Variants in ELMOD1 observed in about 807,000 individuals in gnomAD.
ELMOD1 encodes ELMO domain-containing protein 1.
In ELMOD1, 21 loss-of-function variants were observed where a neutral mutation model predicts 46.7. The observed-to-expected ratio is 0.45, with a 90% CI of 0.32 to 0.65. The LOEUF (loss-of-function observed/expected upper bound fraction) is 0.65, where lower values mean the gene tolerates loss of function less well. Among genes scored for constraint, ELMOD1 ranks in the 30% least tolerant of loss-of-function variants. ELMOD1 has a pLI of 0.04. For synonymous variants in ELMOD1, 122 were observed against 138.2 expected (o/e 0.88, Z 0.82); for missense variants, 348 against 407.8 (o/e 0.85, Z 1.26).
intron 6 of ELMOD1, among the ~76,000 whole-genome samples, chr11:107,645,138 C>T (rs1252999237): frequency 6.9e-6 from 1 of 143,934 alleles, no homozygotes; most frequent in Non-Finnish European, 1.5e-5. Flanking sequence ...GGAGTTTCAC[C>T]GCGTTAACCA....
intron 2 of ELMOD1, among the ~76,000 whole-genome samples, chr11:107,621,237 C>T (rs926752241): frequency 3.3e-5 from 5 of 152,282 alleles, no homozygotes; most frequent in Middle Eastern, 6.8e-3. Context: ...CATCTCACCT[C>T]GTTATTTTCC....
At chr11:107,604,427 C>T (rs78682223) in intron 1 of ELMOD1, among the ~76,000 whole-genome samples, 9,698 of 152,210 alleles carry the variant, frequency 0.064, 556 homozygotes, top group African/African-American at 0.16. Flanking sequence ...TGATTTGCTG[C>T]AGGTCATTAG....
At chr11:107,655,625 A>G (rs924760644) in intron 10 of ELMOD1, among the ~76,000 whole-genome samples, 2 of 146,106 alleles carry the variant, frequency 1.4e-5, no homozygotes, top group Non-Finnish European at 3.0e-5. Context: ...AAGCAAAAGA[A>G]TAAAACAAAA....
chr11:107,596,122 C>G (rs996600071), intron 1 of ELMOD1, among the ~76,000 whole-genome samples: 1 of 151,992 alleles, frequency 6.6e-6, no homozygotes, highest in African/African-American at 2.4e-5. Flanking sequence ...GGGATTAGGA[C>G]TTGGGTAATT....
intron 1 of ELMOD1, among the ~76,000 whole-genome samples, chr11:107,616,839 G>C (rs1183859901): frequency 2.6e-5 from 4 of 152,158 alleles, no homozygotes; most frequent in Non-Finnish European, 4.4e-5. Flanking sequence ...ACCTTGCCCT[G>C]ACCCAGCTTT....
chr11:107,594,629 G>A (rs1865462127), intron 1 of ELMOD1, among the ~76,000 whole-genome samples: 1 of 152,184 alleles, frequency 6.6e-6, no homozygotes, highest in African/African-American at 2.4e-5. Flanking sequence ...TCATTTAAAT[G>A]TTTTATTACA....
rs1866835043 is a variant in ELMOD1 at position 107,665,913 on chromosome 11, GATC to G, written c.*719_*721del. ...GGAGGTGGAGGTTACAGTGAGCCGA[GATC>G]ATACCACTGCACTCCAGCCTGGCGA... On this transcript the variant is annotated 3_prime_UTR_variant, in exon 12 of 12. Transcript: ENST00000265840. 1 of 151,676 alleles carries G rather than the reference GATC, an allele frequency of 6.6e-6. No individual in the cohort carries two copies. The highest frequency in any genetic ancestry group is 2.1e-4 in the South Asian group (1 of 4,794). 9.4% of individuals were successfully genotyped at this position (151,676 alleles called of 1,614,324 possible). A position where few individuals can be genotyped will look rare whatever the true frequency, so the allele number is the denominator to read the frequency against.
At chr11:107,633,369 T>C (rs573308353) in intron 5 of ELMOD1, among the ~76,000 whole-genome samples, 71 of 152,352 alleles carry the variant, frequency 4.7e-4, no homozygotes, top group African/African-American at 1.6e-3. Flanking sequence ...CTTGTTTTAA[T>C]TACATTTTTT....
In ELMOD1 at chr11:107,665,277, G is replaced by C; in HGVS notation, c.*80G>C. On this transcript the variant is annotated 3_prime_UTR_variant, in exon 12 of 12. Coordinates refer to ENST00000265840, the MANE Select transcript of ELMOD1 (RefSeq NM_018712.4). ...GATCTCTGCTTAGGTCGCAGCTCAC[G>C]CATTGAATGCACACAGTGATTGTAT... 7.2e-7 allele frequency: 1 copy of C among 1,384,440 alleles called. No individual in the cohort carries two copies. Among genetic ancestry groups the C allele is most frequent in the Non-Finnish European group, 1.0e-6 (1 of 1,000,150 alleles). The allele number at this position is 1,384,440 out of a possible 1,614,324, so 85.8% of individuals were successfully genotyped here. A position where few individuals can be genotyped will look rare whatever the true frequency, so the allele number is the denominator to read the frequency against.
chr11:107,655,736 G>C (rs1004269241), intron 10 of ELMOD1, among the ~76,000 whole-genome samples, 197 bp from the exon 11 acceptor site: 1 of 152,060 alleles, frequency 6.6e-6, no homozygotes, highest in African/African-American at 2.4e-5. Context: ...GAATATTCAT[G>C]AGTTTTCTGG....
chr11:107,622,069 C>A (rs1865959780), intron 2 of ELMOD1, among the ~76,000 whole-genome samples: 1 of 152,120 alleles, frequency 6.6e-6, no homozygotes, highest in South Asian at 2.1e-4. Context: ...CAAAGTAACA[C>A]ACCACCTGGT....
chr11:107,605,579 C>T lies in ELMOD1; in HGVS notation c.-85-12526C>T, dbSNP rs139631039. On this transcript the variant is annotated intron_variant, in intron 1 of 11. Coordinates refer to ENST00000265840, the MANE Select transcript of ELMOD1 (RefSeq NM_018712.4). ...AAACAGTGCGTAAGATGTAGGCAAC[C>T]GCAGTGAAATTCAGAAAGACACTGA... is the stretch of plus-strand genomic sequence containing the variant. Among the ~76,000 whole-genome samples, 487 of 152,264 alleles carry T rather than the reference C, an allele frequency of 3.2e-3. 2 individuals are homozygous for T. The highest frequency in any genetic ancestry group is 0.011 in the African/African-American group (451 of 41,534).
chr11:107,601,062 T>A (rs916575178), intron 1 of ELMOD1, among the ~76,000 whole-genome samples: 3 of 152,294 alleles, frequency 2.0e-5, no homozygotes, highest in South Asian at 2.1e-4. Flanking sequence ...ACAAGACTTA[T>A]AATGGAAAAA....
rs1048253625 is a variant in ELMOD1 at position 107,591,185 on chromosome 11, G to C, written c.-310G>C. On this transcript the variant is annotated 5_prime_UTR_variant, in exon 1 of 12. Transcript: ENST00000265840. ...CCGCCAGCCGCCCCGGGTGCATCCCGGCTTGCTCCGCTCCACGCGACCCAG... is the reference window on the plus strand; with the variant it reads ...CCGCCAGCCGCCCCGGGTGCATCCCCGCTTGCTCCGCTCCACGCGACCCAG... The C allele has an allele frequency of 2.6e-5, 4 of 152,660 alleles. No homozygotes were observed. Among genetic ancestry groups the C allele is most frequent in the Non-Finnish European group, 5.8e-5 (4 of 68,662 alleles). 9.5% of individuals were successfully genotyped at this position (152,660 alleles called of 1,614,324 possible). A position where few individuals can be genotyped will look rare whatever the true frequency, so the allele number is the denominator to read the frequency against.
At chr11:107,659,556 G>A (rs1199012497) in intron 11 of ELMOD1, among the ~76,000 whole-genome samples, 1 of 150,314 alleles carries the variant, frequency 6.7e-6, no homozygotes, top group Non-Finnish European at 1.5e-5. Flanking sequence ...GAATCATAAA[G>A]AATTGGCATT....
At chr11:107,644,907 GGTTTTT>G (rs201677228) in intron 6 of ELMOD1, among the ~76,000 whole-genome samples, 86 of 119,272 alleles carry the variant, frequency 7.2e-4, no homozygotes, top group East Asian at 2.1e-3. Flanking sequence ...GTTCCTAAAG[GGTTTTT>G]GTTTTTGTTT....
Position 107,614,731 on chromosome 11 carries a change from C to T in ELMOD1, c.-85-3374C>T, listed in dbSNP as rs116941244. Among the ~76,000 whole-genome samples the T allele has an allele frequency of 9.8e-4, 150 of 152,336 alleles. 2 individuals carry two copies. The highest frequency in any genetic ancestry group is 1.8e-3 in the Admixed American group (28 of 15,310). On this transcript the variant is annotated intron_variant, in intron 1 of 11. Transcript: ENST00000265840. ...TATTGCTCTTCAGATAAGGTTCAAA[C>T]TTCAACATTACTTACTAAGCCTGCT...
chr11:107,615,229 C>CTTTTTTTTTTTTTTTT (rs34461488), intron 1 of ELMOD1, among the ~76,000 whole-genome samples: 1 of 81,132 alleles, frequency 1.2e-5, no homozygotes, highest in Non-Finnish European at 2.1e-5. Context: ...TTGTCAGCAT[C>CTTTTTTTTTTTTTTTT]TTTTTTTTTT....
At position 107,650,416 on chromosome 11, in the gene ELMOD1, A is replaced by G; in HGVS notation, c.623+13A>G. The G allele has an allele frequency of 1.3e-6, 2 of 1,559,942 alleles. No individual in the cohort carries two copies. The highest frequency in any genetic ancestry group is 1.7e-6 in the Non-Finnish European group (2 of 1,146,342). On this transcript the variant is annotated intron_variant, in intron 8 of 11. Transcript: ENST00000265840. ...ATCCGAAATGCAGGTAATTGTTGAAAGTAAAAGATGAATTAGGTTTTATGG... is the reference window on the plus strand; with the variant it reads ...ATCCGAAATGCAGGTAATTGTTGAAGGTAAAAGATGAATTAGGTTTTATGG...
Sources: gnomAD v4.1 joint callset for allele counts (sites outside exome capture counted in the v4.1 genomes callset) on GRCh38, gnomAD v4.1.1 for gene constraint, MANE v1.5 for transcripts, NCBI Gene and HGNC (gene_info 2026-07-23, HGNC 2026-07-21) for gene names.